The following TJP1 variants were observed in gnomAD, a reference collection of about 807,000 sequenced individuals.
TJP1 encodes tight junction protein 1.
In TJP1, 43 loss-of-function variants were observed where a neutral mutation model predicts 194.2. That is an observed-to-expected ratio of 0.22 (90% CI 0.17 to 0.29). The LOEUF (loss-of-function observed/expected upper bound fraction) is 0.29. Ranked by LOEUF, TJP1 falls within the 10% of genes least tolerant of loss-of-function variation. The pLI, the probability that TJP1 is intolerant of heterozygous loss-of-function variation, is 1.00. For missense variants in TJP1, 1,971 were observed against 2,185.7 expected, an observed-to-expected ratio of 0.90 and a Z score of 1.96; for synonymous variants, 801 against 779.0, an observed-to-expected ratio of 1.03 and a Z score of -0.47.
intron 2 of TJP1, among the ~76,000 whole-genome samples, chr15:29,796,628 CCAG>C (rs778489710): frequency 3.3e-5 from 5 of 151,920 alleles, no homozygotes; most frequent in African/African-American, 4.8e-5. Flanking sequence ...CAATAAAATC[CCAG>C]CAGTTTTATT....
At chr15:29,883,837 T>C (rs1337517261) in intron 2 of TJP1, among the ~76,000 whole-genome samples, 1 of 152,206 alleles carries the variant, frequency 6.6e-6, no homozygotes, top group African/African-American at 2.4e-5. Context: ...TAATAAAATA[T>C]TTACACCTCA....
chr15:29,945,810 CAGA>C (rs1237826223), intron 2 of TJP1, among the ~76,000 whole-genome samples: 1 of 152,018 alleles, frequency 6.6e-6, no homozygotes, highest in Non-Finnish European at 1.5e-5. Context: ...CGCACACACA[CAGA>C]AGGACACAGG....
intron 2 of TJP1, among the ~76,000 whole-genome samples, chr15:29,857,777 T>C (rs2051915785): frequency 6.6e-6 from 1 of 152,204 alleles, no homozygotes; most frequent in Non-Finnish European, 1.5e-5. Context: ...ACTCCATTTT[T>C]TGAGATGGAG....
chr15:29,844,877 C>T (rs1403253), intron 2 of TJP1, among the ~76,000 whole-genome samples: 133,655 of 152,180 alleles, frequency 0.88, 58,696 homozygotes, highest in African/African-American at 0.91. Context: ...AAGCAGGGTG[C>T]AGATACCAAG....
chr15:29,894,654 G>T (rs1385184361), intron 2 of TJP1, among the ~76,000 whole-genome samples: 1 of 152,164 alleles, frequency 6.6e-6, no homozygotes, highest in African/African-American at 2.4e-5. Context: ...GCTCTCCCAG[G>T]CTGGAATCGC....
intron 8 of TJP1, among the ~76,000 whole-genome samples, chr15:29,749,362 T>C (rs1595746609): frequency 6.6e-6 from 1 of 152,302 alleles, no homozygotes; most frequent in Non-Finnish European, 1.5e-5. Flanking sequence ...GTGACCAGTG[T>C]AGCCGATTAA....
intron 2 of TJP1, among the ~76,000 whole-genome samples, chr15:29,791,037 CT>C (rs140936808): frequency 2.0e-5 from 3 of 150,770 alleles, no homozygotes; most frequent in East Asian, 1.9e-4. Context: ...TACTCGTTTC[CT>C]TTTTTTTTGG....
intron 1 of TJP1, among the ~76,000 whole-genome samples, 169 bp downstream of exon 1, chr15:29,821,833 C>CCCCGCGGCACGCGG (rs1555431160): frequency 2.1e-5 from 3 of 145,470 alleles, no homozygotes; most frequent in African/African-American, 7.4e-5. Flanking sequence ...CCGAGGGGCT[C>CCCCGCGGCACGCGG]CCCGCGGCCC....
At chr15:29,872,762 C>T (rs2052570640) in intron 2 of TJP1, among the ~76,000 whole-genome samples, 1 of 152,182 alleles carries the variant, frequency 6.6e-6, no homozygotes, top group South Asian at 2.1e-4. Context: ...GCACCAAGGG[C>T]TTGGTGTCCC....
At chr15:29,771,021 A>G (rs2046635230) in intron 4 of TJP1, among the ~76,000 whole-genome samples, 1 of 152,190 alleles carries the variant, frequency 6.6e-6, no homozygotes, top group South Asian at 2.1e-4. Flanking sequence ...CCAGTCCTGC[A>G]AGCTCCATTC....
upstream of TJP1, among the ~76,000 whole-genome samples, chr15:29,824,336 A>G (rs1221174624): frequency 6.7e-6 from 1 of 149,654 alleles, no homozygotes; most frequent in Non-Finnish European, 1.5e-5. Context: ...CCAGCTATTC[A>G]GGAGGCTGAG....
chr15:29,903,352 T>C (rs1237063502), intron 2 of TJP1, among the ~76,000 whole-genome samples: 1 of 152,236 alleles, frequency 6.6e-6, no homozygotes, highest in Non-Finnish European at 1.5e-5. Context: ...AAGGATCTTC[T>C]TGTCACTTGG....
chr15:29,820,415 G>C (rs2050249475), intron 1 of TJP1: 13 of 652,292 alleles, frequency 2.0e-5, no homozygotes, highest in Non-Finnish European at 3.4e-5. Flanking sequence ...CCCTTTACTC[G>C]CAAATGTTTA....
intron 11 of TJP1, among the ~76,000 whole-genome samples, chr15:29,734,912 G>T (rs2043927045): frequency 6.6e-6 from 1 of 152,078 alleles, no homozygotes; most frequent in Non-Finnish European, 1.5e-5. Flanking sequence ...ATAGTATTCA[G>T]TGTGTCCTGA....
rs753302083 is a variant in TJP1, at chr15:29,728,032, T to A, written c.2018-13A>T. On this transcript the variant is annotated splice_polypyrimidine_tract_variant and intron_variant, in intron 15 of 27. Coordinates refer to ENST00000614355, the MANE Select transcript of TJP1 (RefSeq NM_001330239.4). ...CGTGGTTCACTCTCTATTCATTATG[T>A]CAGGACAAAAATAAGACATCAAATT... 1.8e-5 allele frequency: 29 copies of A among 1,612,390 alleles called. No homozygotes were observed. Among genetic ancestry groups the A allele is most frequent in the Middle Eastern group, 3.3e-4 (2 of 6,078 alleles).
chr15:29,962,396 TC>T (rs2056192700), intron 1 of TJP1, among the ~76,000 whole-genome samples: 1 of 152,252 alleles, frequency 6.6e-6, no homozygotes, highest in South Asian at 2.1e-4. Context: ...GGAAAAGAAC[TC>T]AATAATAACA....
chr15:29,929,009 C>A (rs1321405146), intron 2 of TJP1, among the ~76,000 whole-genome samples: 2 of 151,992 alleles, frequency 1.3e-5, no homozygotes, highest in East Asian at 3.9e-4. Flanking sequence ...TAGAGAGAAG[C>A]TGAATAACAA....
At position 29,752,287 on chromosome 15, in the gene TJP1, G is replaced by A. The variant is rs147386269; in HGVS notation, c.1010+8852C>T. On this transcript the variant is annotated intron_variant, in intron 8 of 27. Coordinates refer to ENST00000614355, the MANE Select transcript of TJP1 (RefSeq NM_001330239.4). ...CTAGCTAATTTTGGTATTTTTAGTA[G>A]AGACTGGGTTTCACCATGTTGGCCA... 1.5e-3 allele frequency among the ~76,000 whole-genome samples: 224 copies of A among 152,210 alleles called. 4 individuals carry two copies. In the East Asian group the frequency reaches 0.039, roughly 26 times the overall value.
At chr15:29,876,680 T>C (rs947792162) in intron 2 of TJP1, among the ~76,000 whole-genome samples, 2 of 152,214 alleles carry the variant, frequency 1.3e-5, no homozygotes, top group Admixed American at 1.3e-4. Context: ...AAGACGGGTC[T>C]GCTTGTGATC....
Sources: gnomAD v4.1 joint callset for allele counts (sites outside exome capture counted in the v4.1 genomes callset) on GRCh38, gnomAD v4.1.1 for gene constraint, MANE v1.5 for transcripts, NCBI Gene and HGNC (gene_info 2026-07-23, HGNC 2026-07-21) for gene names.